FRY: variants seen among roughly 807,000 people sequenced by gnomAD.
The protein encoded by FRY is FRY microtubule binding protein, also known as protein furry homolog.
A neutral mutation model predicts 348.4 loss-of-function variants in FRY; 128 were observed. The observed-to-expected ratio is 0.37, with a 90% CI of 0.32 to 0.43. FRY has a LOEUF of 0.43. Ranked by LOEUF, FRY falls within the 20% of genes least tolerant of loss-of-function variation. The pLI, the probability that FRY is intolerant of heterozygous loss-of-function variation, is 1.00. For missense variants in FRY, 2,736 were observed against 3,695.2 expected (o/e 0.74, Z 6.73); for synonymous variants, 1,370 against 1,374.7 (o/e 1.00, Z 0.08).
chr13:32,041,717 C>G (rs146499464), intron 1 of FRY, among the ~76,000 whole-genome samples: 16 of 152,252 alleles, frequency 1.1e-4, no homozygotes, highest in East Asian at 3.9e-4. Context: ...CAACCTGTCT[C>G]GCTTCTGTTT....
In FRY at chr13:32,080,979, G is replaced by A. The variant is rs868066671; in HGVS notation, c.270+1946G>A. On this transcript the variant is annotated intron_variant, in intron 2 of 60. Coordinates refer to ENST00000542859, the MANE Select transcript of FRY (RefSeq NM_023037.3). The stretch of plus-strand genomic sequence containing the variant: ...CATGTTTCCAAAATAATAGTTTACT[G>A]TTTTTTAAGAATTTGTGAAGTAAAA... 1.2e-4 allele frequency among the ~76,000 whole-genome samples: 19 copies of A among 152,246 alleles called. No individual in the cohort carries two copies. The South Asian group carries it at 1.9e-3, about 15-fold the overall frequency.
At chr13:32,144,209 A>C (rs9567260) in intron 11 of FRY, among the ~76,000 whole-genome samples, 72,569 of 149,950 alleles carry the variant, frequency 0.48, 17,728 homozygotes, top group East Asian at 0.68. Context: ...GCAAAAAAAA[A>C]CCAAAACAAA....
intron 55 of FRY, among the ~76,000 whole-genome samples, 183 bp from the exon 56 acceptor site, chr13:32,274,659 G>C (rs568334990): frequency 1.3e-4 from 18 of 133,590 alleles, no homozygotes; most frequent in Non-Finnish European, 2.3e-4. Context: ...AGCCGAGATC[G>C]CGCCACTGCA....
At chr13:32,193,034 C>T (rs1883444860) in intron 28 of FRY, among the ~76,000 whole-genome samples, 1 of 151,796 alleles carries the variant, frequency 6.6e-6, no homozygotes, top group Admixed American at 6.6e-5. Flanking sequence ...TGAGCCACCA[C>T]TCTGGGCCAG....
chr13:32,140,040 A>G (rs1879960712), intron 11 of FRY, among the ~76,000 whole-genome samples: 2 of 151,848 alleles, frequency 1.3e-5, no homozygotes. Flanking sequence ...AATTTCTTAT[A>G]TTTTATAAAA....
chr13:32,110,293 G>A (rs1437975903), intron 3 of FRY, among the ~76,000 whole-genome samples: 1 of 152,140 alleles, frequency 6.6e-6, no homozygotes, highest in Non-Finnish European at 1.5e-5. Context: ...ATGAATGAAA[G>A]GCATGTGAGC....
At chr13:32,220,172 G>A (rs1885242180) in intron 36 of FRY, among the ~76,000 whole-genome samples, 1 of 152,184 alleles carries the variant, frequency 6.6e-6, no homozygotes, top group South Asian at 2.1e-4. Flanking sequence ...TCGTAAGTTG[G>A]TGCTTTGAAT....
chr13:32,171,049 G>A lies in FRY; in HGVS notation c.1930G>A (p.Ala644Thr). 6.2e-7 allele frequency: 1 copy of A among 1,610,730 alleles called. No homozygotes were observed. The highest frequency in any genetic ancestry group is 8.5e-7 in the Non-Finnish European group (1 of 1,176,998). Reference sequence around the variant, plus strand: ...TATGGATGATGAATTGCGACATATTGCACAAAATTCTCTTCAGGGTTTACT... The same window carrying A: ...TATGGATGATGAATTGCGACATATTACACAAAATTCTCTTCAGGGTTTACT... ...IHMDDELRHI[A>T]QNSLQGLLVD... Residue 644 changes from alanine (A) to threonine (T), a missense_variant, in exon 18 of 61, where the codon GCA becomes ACA. Coordinates refer to ENST00000542859, the MANE Select transcript of FRY (RefSeq NM_023037.3).
chr13:32,222,765 G>A (rs1438990468), intron 36 of FRY, among the ~76,000 whole-genome samples: 2 of 152,202 alleles, frequency 1.3e-5, no homozygotes, highest in East Asian at 3.8e-4. Flanking sequence ...CTATCATTGG[G>A]CCATTAATAT....
At chr13:32,095,028 T>G (rs992105893) in intron 2 of FRY, among the ~76,000 whole-genome samples, 2 of 152,238 alleles carry the variant, frequency 1.3e-5, no homozygotes, top group Non-Finnish European at 2.9e-5. Flanking sequence ...GCCTGTCTTT[T>G]GGATATAAGC....
intron 47 of FRY, 123 bp downstream of exon 47, chr13:32,244,305 C>A: frequency 1.1e-6 from 1 of 887,002 alleles, no homozygotes; most frequent in Non-Finnish European, 1.9e-6. Flanking sequence ...ACATCCATGG[C>A]ACAGCCAGGG....
At chr13:32,082,466 T>C (rs1236583919) in intron 2 of FRY, among the ~76,000 whole-genome samples, 1 of 152,216 alleles carries the variant, frequency 6.6e-6, no homozygotes, top group East Asian at 1.9e-4. Flanking sequence ...CCAAGCAAAG[T>C]GTTCTAAACA....
intron 51 of FRY, 176 bp from the exon 52 acceptor site, chr13:32,261,440 A>G (rs1887641346): frequency 1.3e-6 from 1 of 766,848 alleles, no homozygotes; most frequent in Admixed American, 1.7e-5. Context: ...ACATGAAAAT[A>G]GTGTGCTTTT....
intron 16 of FRY, among the ~76,000 whole-genome samples, chr13:32,158,393 G>A (rs1473697378): frequency 1.3e-5 from 2 of 152,068 alleles, no homozygotes; most frequent in African/African-American, 4.8e-5. Flanking sequence ...ATATTATCCT[G>A]CAGCTCACCA....
At chr13:32,282,986 C>T (rs980055588) in intron 58 of FRY, among the ~76,000 whole-genome samples, 8 of 151,860 alleles carry the variant, frequency 5.3e-5, no homozygotes, top group African/African-American at 1.9e-4. Flanking sequence ...ACTAAAAATA[C>T]AAAAATGAGC....
intron 51 of FRY, among the ~76,000 whole-genome samples, chr13:32,260,806 G>T (rs1887592966): frequency 6.6e-6 from 1 of 151,826 alleles, no homozygotes; most frequent in African/African-American, 2.4e-5. Flanking sequence ...CTGGGCAACA[G>T]CAAGACTCTG....
chr13:32,178,527 T>C, intron 21 of FRY, 91 bp downstream of exon 21: 1 of 1,371,608 alleles, frequency 7.3e-7, no homozygotes, highest in Non-Finnish European at 1.0e-6. Context: ...GATGTTATCA[T>C]CCCAATTTCT....
chr13:32,111,702 CTG>C (rs1178356228), intron 3 of FRY, among the ~76,000 whole-genome samples: 1 of 152,198 alleles, frequency 6.6e-6, no homozygotes, highest in African/African-American at 2.4e-5. Flanking sequence ...GAGCTTCACA[CTG>C]TGCCTTCTTG....
intron 7 of FRY, among the ~76,000 whole-genome samples, chr13:32,131,117 C>G (rs1879333986): frequency 6.6e-6 from 1 of 152,160 alleles, no homozygotes; most frequent in African/African-American, 2.4e-5. Flanking sequence ...CGCCCGGCCT[C>G]CCATTACTAG....
Sources: gnomAD v4.1 joint callset for allele counts (sites outside exome capture counted in the v4.1 genomes callset) on GRCh38, gnomAD v4.1.1 for gene constraint, MANE v1.5 for transcripts, NCBI Gene and HGNC (gene_info 2026-07-23, HGNC 2026-07-21) for gene names.